Variants in CHCHD3 observed in about 807,000 individuals in gnomAD.
CHCHD3 encodes coiled-coil-helix-coiled-coil-helix domain containing 3.
CHCHD3 carries 20 observed loss-of-function variants against 38.2 expected under a neutral mutation model. The ratio of observed to expected loss-of-function variants is 0.52; its 90% CI spans 0.37 to 0.76. The LOEUF (loss-of-function observed/expected upper bound fraction) is 0.76. Ranked by LOEUF, CHCHD3 falls within the 30% of genes least tolerant of loss-of-function variation. CHCHD3 has a pLI of 0.00. For synonymous variants in CHCHD3, 82 were observed against 100.0 expected, an observed-to-expected ratio of 0.82 and a Z score of 1.07; for missense variants, 245 against 279.2, an observed-to-expected ratio of 0.88 and a Z score of 0.87.
chr7:132,904,659 C>T (rs140400265), intron 4 of CHCHD3, among the ~76,000 whole-genome samples: 216 of 152,272 alleles, frequency 1.4e-3, no homozygotes, highest in Middle Eastern at 0.01. Flanking sequence ...CAAACTAGTT[C>T]AACCACTGTG....
chr7:132,968,533 A>C (rs991546287), intron 4 of CHCHD3, among the ~76,000 whole-genome samples: 2 of 152,232 alleles, frequency 1.3e-5, no homozygotes, highest in Non-Finnish European at 2.9e-5. Flanking sequence ...ATATCCAAAT[A>C]ATTGGAGGTT....
intron 6 of CHCHD3, among the ~76,000 whole-genome samples, chr7:132,824,798 C>G (rs1234296104): frequency 6.6e-6 from 1 of 152,186 alleles, no homozygotes; most frequent in Non-Finnish European, 1.5e-5. Context: ...CAAGGCCATT[C>G]TCCCTCTTCT....
chr7:132,840,448 A>G (rs776780458), intron 5 of CHCHD3, among the ~76,000 whole-genome samples: 18 of 152,180 alleles, frequency 1.2e-4, no homozygotes, highest in Non-Finnish European at 2.5e-4. Context: ...AAGCACTGGA[A>G]CTGTAATATC....
At chr7:132,789,326 G>A (rs970782192) in intron 7 of CHCHD3, among the ~76,000 whole-genome samples, 8 of 152,088 alleles carry the variant, frequency 5.3e-5, no homozygotes, top group Admixed American at 2.0e-4. Context: ...CATCATTCAC[G>A]TATCTGGGCC....
intron 4 of CHCHD3, among the ~76,000 whole-genome samples, chr7:132,903,120 GATT>G (rs1470360054): frequency 6.6e-6 from 1 of 152,168 alleles, no homozygotes; most frequent in African/African-American, 2.4e-5. Flanking sequence ...ATCTGCAAGG[GATT>G]GGTTCCACAA....
intron 4 of CHCHD3, among the ~76,000 whole-genome samples, chr7:132,944,109 A>G (rs1259229883): frequency 3.3e-5 from 5 of 152,170 alleles, no homozygotes; most frequent in African/African-American, 9.6e-5. Flanking sequence ...TTTATCAAAA[A>G]CAGAAAATAA....
chr7:132,851,981 C>T (rs1162535299), intron 5 of CHCHD3, among the ~76,000 whole-genome samples: 1 of 152,190 alleles, frequency 6.6e-6, no homozygotes, highest in Non-Finnish European at 1.5e-5. Flanking sequence ...GGAGCACGTG[C>T]ACACAGAGTC....
At position 132,788,507 on chromosome 7, in the gene CHCHD3, A is replaced by C. The variant is rs900441945; in HGVS notation, c.661-2847T>G. 3.3e-5 allele frequency among the ~76,000 whole-genome samples: 5 copies of C among 152,208 alleles called. No homozygotes were observed. The highest frequency in any genetic ancestry group is 3.3e-4 in the Admixed American group (5 of 15,290). The stretch of plus-strand genomic sequence containing the variant: ...AACTTAAGGAAAGCAACAGTTAAAG[A>C]GTGTTTTCACGAGTCTAGAGATTGT... On this transcript the variant is annotated intron_variant, in intron 7 of 7. Transcript: ENST00000262570. This position sits in a 1 kb window ranked among gnomAD's most constrained non-coding sequence, Gnocchi z 4.0.
chr7:133,031,331 GA>G (rs1813497077), intron 2 of CHCHD3, among the ~76,000 whole-genome samples: 1 of 152,052 alleles, frequency 6.6e-6, no homozygotes, highest in Non-Finnish European at 1.5e-5. Context: ...CTTGAATGGT[GA>G]ATAGAAATGA....
intron 2 of CHCHD3, among the ~76,000 whole-genome samples, chr7:133,041,025 G>A (rs1208157480): frequency 2.0e-5 from 3 of 152,126 alleles, no homozygotes; most frequent in Non-Finnish European, 4.4e-5. Flanking sequence ...CTGAAACTGT[G>A]GTTCTCTGCC....
At chr7:132,884,199 G>T (rs10279883) in intron 5 of CHCHD3, among the ~76,000 whole-genome samples, 73,874 of 151,860 alleles carry the variant, frequency 0.49, 18,447 homozygotes, top group African/African-American at 0.57. Context: ...GTTCACGCCT[G>T]CTTCACGGTT....
intron 4 of CHCHD3, among the ~76,000 whole-genome samples, chr7:132,938,854 C>A (rs1040791654): frequency 1.3e-5 from 2 of 152,116 alleles, no homozygotes; most frequent in Non-Finnish European, 2.9e-5. Flanking sequence ...TCTACACAAC[C>A]CACTGACCCC....
In CHCHD3 at chr7:132,822,115, G is replaced by A. The variant is rs142908961; in HGVS notation, c.524+16284C>T. Among the ~76,000 whole-genome samples, 501 of 152,204 alleles carry A rather than the reference G, an allele frequency of 3.3e-3. 1 individual carries two copies. Among genetic ancestry groups the A allele is most frequent in the African/African-American group, 0.01 (423 of 41,524 alleles). On this transcript the variant is annotated intron_variant, in intron 6 of 7. Coordinates refer to ENST00000262570, the MANE Select transcript of CHCHD3 (RefSeq NM_017812.4). ...GGATGTATTTTTCATTTGTCTTGTC[G>A]TCTGTTAGAAAAGGTGAAGATGTGT...
At chr7:132,956,148 A>G (rs1811159917) in intron 4 of CHCHD3, among the ~76,000 whole-genome samples, 1 of 152,216 alleles carries the variant, frequency 6.6e-6, no homozygotes, top group African/African-American at 2.4e-5. Flanking sequence ...GCATTCAGAC[A>G]CAAGACTGCA....
chr7:132,811,764 C>T (rs567654459), intron 6 of CHCHD3, among the ~76,000 whole-genome samples: 11 of 152,256 alleles, frequency 7.2e-5, no homozygotes, highest in South Asian at 2.1e-4. Flanking sequence ...TTTTTCCTCC[C>T]GGCTCTCTGG....
At chr7:133,078,385 A>G (rs1301312637) in intron 1 of CHCHD3, among the ~76,000 whole-genome samples, 1 of 152,238 alleles carries the variant, frequency 6.6e-6, no homozygotes, top group Non-Finnish European at 1.5e-5. Flanking sequence ...ATACATTAAG[A>G]TAAATGATGA....
chr7:132,988,316 C>CA (rs528720933), intron 3 of CHCHD3, among the ~76,000 whole-genome samples: 53,274 of 150,850 alleles, frequency 0.35, 10,114 homozygotes, highest in Non-Finnish European at 0.44. Flanking sequence ...CACACACACA[C>CA]CCACACAAAT....
At chr7:133,043,314 G>A (rs28654970) in intron 2 of CHCHD3, among the ~76,000 whole-genome samples, 7,679 of 152,032 alleles carry the variant, frequency 0.051, 595 homozygotes, top group African/African-American at 0.17. Flanking sequence ...TTTTTAATGT[G>A]GACAAAACTG....
At chr7:132,971,787 T>TAAATAAAGAGGAACGAAGC (rs1349372109) in intron 4 of CHCHD3, among the ~76,000 whole-genome samples, 5 of 152,204 alleles carry the variant, frequency 3.3e-5, no homozygotes, top group Non-Finnish European at 5.9e-5. Context: ...ATTTGAGTTC[T>TAAATAAAGAGGAACGAAGC]AAATAAAGAG....
Sources: allele counts gnomAD v4.1 joint callset (sites outside exome capture counted in the v4.1 genomes callset), GRCh38; gene constraint gnomAD v4.1.1; non-coding constraint Gnocchi (gnomAD v3.1); transcripts MANE v1.5; gene names NCBI Gene and HGNC (gene_info 2026-07-23, HGNC 2026-07-21).